DSCAML1: variants seen among roughly 807,000 people sequenced by gnomAD.
DSCAML1 encodes the protein cell adhesion molecule DSCAML1.
Under a neutral mutation model 200.5 loss-of-function variants are expected in DSCAML1, and 38 were observed. That is an observed-to-expected ratio of 0.19 (90% CI 0.15 to 0.25). The LOEUF (loss-of-function observed/expected upper bound fraction) is 0.25. DSCAML1 is among the 10% of genes least tolerant of loss of function. DSCAML1 has a pLI of 1.00. For missense variants in DSCAML1, 2,223 were observed against 2,858.8 expected (o/e 0.78, Z 5.07); for synonymous variants, 1,215 against 1,165.0 (o/e 1.04, Z -0.87).
At chr11:117,547,395 T>C (rs1422747959) in intron 3 of DSCAML1, among the ~76,000 whole-genome samples, 3 of 152,136 alleles carry the variant, frequency 2.0e-5, no homozygotes, top group Non-Finnish European at 2.9e-5. Flanking sequence ...GCCTGGGCCT[T>C]GGGGAGGAGG....
chr11:117,522,810 T>C (rs2049906915), intron 5 of DSCAML1, among the ~76,000 whole-genome samples: 1 of 152,106 alleles, frequency 6.6e-6, no homozygotes, highest in Admixed American at 6.5e-5. Context: ...GTAGGGGGTA[T>C]GGAAAGCATT....
rs752362960 is a variant in DSCAML1, at chr11:117,438,947, G to A, written c.4181C>T (p.Thr1394Ile). 2.5e-6 allele frequency: 4 copies of A among 1,609,556 alleles called. No homozygotes were observed. The highest frequency in any genetic ancestry group is 1.1e-5 in the South Asian group (1 of 90,362). Residue 1394 changes from threonine to isoleucine, a missense_variant, in exon 24 of 33, where the codon ACC becomes ATC. Around this residue, in one of 7 missense-constraint regions of DSCAML1, gnomAD observed 614 missense variants for 739.1 expected, o/e 0.83. Coordinates refer to ENST00000651296, the MANE Select transcript of DSCAML1 (RefSeq NM_020693.4). ...PDQPRLTVSK[T>I]SASSITLTWI... ...GGTCAGGGTGATGGACGAAGCTGAG[G>A]TTTTGGAGACAGTGAGGCGGGGCTG...
At chr11:117,745,137 G>T (rs1178428106) in intron 3 of DSCAML1, among the ~76,000 whole-genome samples, 1 of 148,312 alleles carries the variant, frequency 6.7e-6, no homozygotes, top group Non-Finnish European at 1.5e-5. Context: ...ATGGTGACAG[G>T]CCTCAGGAGG....
At chr11:117,650,457 G>A (rs114226677) in intron 3 of DSCAML1, among the ~76,000 whole-genome samples, 2,050 of 152,210 alleles carry the variant, frequency 0.013, 69 homozygotes, top group African/African-American at 0.047. Context: ...ATGCAGCTGC[G>A]GTTCTCTGAG....
intron 21 of DSCAML1, among the ~76,000 whole-genome samples, chr11:117,440,784 G>A (rs61308762): frequency 5.9e-5 from 9 of 152,072 alleles, no homozygotes; most frequent in Admixed American, 3.9e-4. Context: ...AGCCGGGCAC[G>A]ATGGCAGGTG....
Position 117,661,604 on chromosome 11 carries a change from C to T in DSCAML1, c.511+115187G>A, listed in dbSNP as rs532121448. ...CAGTCCCAAATGCCACTGCTTAAAT[C>T]GTCTTCCTTGTCTGCCACCTGGTCC... is the stretch of plus-strand genomic sequence containing the variant. On this transcript the variant is annotated intron_variant, in intron 3 of 32. Coordinates refer to ENST00000651296, the MANE Select transcript of DSCAML1 (RefSeq NM_020693.4). 3.9e-5 allele frequency among the ~76,000 whole-genome samples: 6 copies of T among 152,318 alleles called. No individual in the cohort carries two copies. The East Asian group carries it at 9.6e-4, about 24-fold the overall frequency.
intron 3 of DSCAML1, among the ~76,000 whole-genome samples, chr11:117,586,559 T>C (rs1309744823): frequency 6.6e-6 from 1 of 152,158 alleles, no homozygotes; most frequent in South Asian, 2.1e-4. Flanking sequence ...TCTCAAGTTA[T>C]CCAGTTCCTC....
At chr11:117,671,771 G>C (rs539683666) in intron 3 of DSCAML1, among the ~76,000 whole-genome samples, 2 of 152,248 alleles carry the variant, frequency 1.3e-5, no homozygotes, top group African/African-American at 2.4e-5. Context: ...CAGAGTGGGC[G>C]GGGGAGAAGG....
intron 32 of DSCAML1, 144 bp from the exon 33 acceptor site, chr11:117,428,947 G>A (rs545806618): frequency 1.0e-4 from 69 of 692,378 alleles, no homozygotes; most frequent in Admixed American, 1.7e-4. Flanking sequence ...AAAGAGTAGC[G>A]GAAAGGTCGG....
intron 3 of DSCAML1, among the ~76,000 whole-genome samples, chr11:117,743,738 A>G (rs987327903): frequency 2.6e-5 from 4 of 152,120 alleles, no homozygotes; most frequent in African/African-American, 9.7e-5. Context: ...CCAGACAAAC[A>G]CCTTGTGTTT....
chr11:117,737,442 C>T (rs2054338187), intron 3 of DSCAML1, among the ~76,000 whole-genome samples: 1 of 152,134 alleles, frequency 6.6e-6, no homozygotes. Context: ...CCAGGGAGCA[C>T]ACCTCAGAGC....
chr11:117,600,846 G>GAGGAGGCC (rs1263007645), intron 3 of DSCAML1, among the ~76,000 whole-genome samples: 1 of 152,208 alleles, frequency 6.6e-6, no homozygotes, highest in East Asian at 1.9e-4. Context: ...CTGGCCACTG[G>GAGGAGGCC]AGGAGGCCAG....
intron 1 of DSCAML1, among the ~76,000 whole-genome samples, chr11:117,807,128 C>CA (rs1275486696): frequency 1.3e-5 from 2 of 152,224 alleles, no homozygotes; most frequent in African/African-American, 4.8e-5. Flanking sequence ...ACACAGTGGG[C>CA]ACAGAGGCAA....
intron 3 of DSCAML1, among the ~76,000 whole-genome samples, chr11:117,727,622 G>A (rs1423134380): frequency 6.6e-6 from 1 of 152,192 alleles, no homozygotes; most frequent in African/African-American, 2.4e-5. Flanking sequence ...ATGTCGGCAG[G>A]GATCAGGAGT....
At position 117,444,019 on chromosome 11, in the gene DSCAML1, C is replaced by T. The variant is rs758062285; in HGVS notation, c.3729G>A (p.Thr1243=). 6.8e-6 allele frequency: 11 copies of T among 1,612,740 alleles called. No homozygotes were observed. Among genetic ancestry groups the T allele is most frequent in the East Asian group, 2.2e-5 (1 of 44,830 alleles). Residue 1243 remains threonine (T), a synonymous_variant, in exon 21 of 33, where the codon ACG becomes ACA. Transcript: ENST00000651296. ...SGQPAPSEYE[T]SPEQLFYRIA... ...TCCGGTAGAAGAGCTGCTCTGGACTCGTCTCGTACTCGCTGGGAGCCTGCG... is the reference window on the plus strand; with the variant it reads ...TCCGGTAGAAGAGCTGCTCTGGACTTGTCTCGTACTCGCTGGGAGCCTGCG...
At chr11:117,531,887 AG>A (rs369013674) in intron 4 of DSCAML1, among the ~76,000 whole-genome samples, 6 of 140,418 alleles carry the variant, frequency 4.3e-5, no homozygotes, top group East Asian at 2.3e-4. Context: ...ACTCCGTCTC[AG>A]GAAAAAGAAA....
intron 3 of DSCAML1, among the ~76,000 whole-genome samples, chr11:117,610,845 C>CA (rs953847991): frequency 6.7e-6 from 1 of 148,700 alleles, no homozygotes; most frequent in African/African-American, 2.5e-5. Context: ...AAACAACCCC[C>CA]CCCCCCCACA....
intron 11 of DSCAML1, among the ~76,000 whole-genome samples, chr11:117,484,371 T>C (rs2048995187): frequency 6.6e-6 from 1 of 152,138 alleles, no homozygotes; most frequent in South Asian, 2.1e-4. Context: ...TGCTGCCTTG[T>C]CATGCAGGAC....
chr11:117,713,279 C>G (rs2137774460), intron 3 of DSCAML1, among the ~76,000 whole-genome samples: 1 of 152,284 alleles, frequency 6.6e-6, no homozygotes, highest in African/African-American at 2.4e-5. Flanking sequence ...CCACACCCAG[C>G]TAATTTTTGT....
Sources: gnomAD v4.1 joint callset for allele counts (sites outside exome capture counted in the v4.1 genomes callset) on GRCh38, gnomAD v4.1.1 for gene constraint, gnomAD v4.1.1 regional missense constraint, MANE v1.5 for transcripts, NCBI Gene and HGNC (gene_info 2026-07-23, HGNC 2026-07-21) for gene names.